ACAD10: variants seen among roughly 807,000 people sequenced by gnomAD.
ACAD10 encodes the protein acyl-CoA dehydrogenase family member 10, also known as ACAD-10.
Under a neutral mutation model 116.8 loss-of-function variants are expected in ACAD10, and 112 were observed. The observed-to-expected ratio is 0.96, with a 90% CI of 0.82 to 1.12. The LOEUF (loss-of-function observed/expected upper bound fraction) is 1.12, where lower values mean the gene tolerates loss of function less well. Ranked by LOEUF, ACAD10 falls within the 50% of genes most tolerant of loss-of-function variation. The probability of loss-of-function intolerance (pLI) is 0.00; values close to 1 mark genes in which losing one functional copy is unlikely to be tolerated. For synonymous variants in ACAD10, 486 were observed against 510.6 expected (o/e 0.95, Z 0.65); for missense variants, 1,259 against 1,350.2 (o/e 0.93, Z 1.06).
chr12:111,744,939 A>G lies in ACAD10; in HGVS notation c.2011A>G (p.Lys671Glu), dbSNP rs1889849125. Residue 671 changes from lysine to glutamate, a missense_variant, in exon 13 of 21, where the codon AAG becomes GAG. By Grantham distance (56) the Lys-to-Glu change is moderately conservative. Coordinates refer to ENST00000313698, the MANE Select transcript of ACAD10 (RefSeq NM_025247.6). ...PPVRELYHRL[K>E]HFMEQRVYPA... ...TGTCAGAGAGCTGTATCACCGGCTG[A>G]AGCACTTCATGGAGCAACGTGTGTA... 6.2e-7 allele frequency: 1 copy of G among 1,614,136 alleles called. No homozygotes were observed. Among genetic ancestry groups the G allele is most frequent in the Non-Finnish European group, 8.5e-7 (1 of 1,180,016 alleles).
chr12:111,689,052 G>A (rs971375719), intron 1 of ACAD10, among the ~76,000 whole-genome samples: 2 of 151,802 alleles, frequency 1.3e-5, no homozygotes, highest in East Asian at 2.0e-4. Context: ...TTAGCCAGGC[G>A]TGGTGGCACG....
At position 111,744,928 on chromosome 12, in the gene ACAD10, A is replaced by G. The variant is rs1394088825; in HGVS notation, c.2000A>G (p.Tyr667Cys). Residue 667 changes from tyrosine (Y) to cysteine (C), a missense_variant, in exon 13 of 21, where the codon TAT (tyrosine) becomes TGT (cysteine). Physicochemically the swap from Tyr to Cys is radical, Grantham distance 194. Transcript: ENST00000313698. ...CTCTCTCCACCTGTCAGAGAGCTGT[A>G]TCACCGGCTGAAGCACTTCATGGAG... ...ESLSPPVREL[Y>C]HRLKHFMEQR... is the part of the protein sequence containing the mutation. 1.9e-6 allele frequency: 3 copies of G among 1,614,038 alleles called. No homozygotes were observed. The highest frequency in any genetic ancestry group is 1.7e-6 in the Non-Finnish European group (2 of 1,180,030).
intron 12 of ACAD10, among the ~76,000 whole-genome samples, chr12:111,737,773 T>C (rs984341281): frequency 7.9e-5 from 12 of 152,144 alleles, no homozygotes; most frequent in African/African-American, 2.7e-4. Context: ...TTTTGTAAGC[T>C]TAAGAATTTC....
At chr12:111,697,868 G>A (rs1948963877) in intron 2 of ACAD10, among the ~76,000 whole-genome samples, 1 of 151,400 alleles carries the variant, frequency 6.6e-6, no homozygotes, top group African/African-American at 2.4e-5. Context: ...ATAGGTGTAA[G>A]CCACTGGGCC....
chr12:111,704,688 C>CTTTTTTTTTT (rs59745029), intron 3 of ACAD10, among the ~76,000 whole-genome samples: 10 of 126,150 alleles, frequency 7.9e-5, no homozygotes, highest in East Asian at 2.4e-4. Context: ...TTCTTTCTTT[C>CTTTTTTTTTT]TTTTTTTTTT....
intron 12 of ACAD10, among the ~76,000 whole-genome samples, chr12:111,742,384 A>C (rs921502546): frequency 1.3e-5 from 2 of 152,200 alleles, no homozygotes; most frequent in Non-Finnish European, 2.9e-5. Context: ...GGAAGAGGCT[A>C]TCTGGTTTCT....
At chr12:111,713,590 A>G (rs1593027596) in intron 6 of ACAD10, among the ~76,000 whole-genome samples, 1 of 149,776 alleles carries the variant, frequency 6.7e-6, no homozygotes, top group African/African-American at 2.5e-5. Flanking sequence ...GTGCCACTGC[A>G]CTCCAGCCTG....
chr12:111,708,397 C>A (rs2135955176), intron 4 of ACAD10, among the ~76,000 whole-genome samples: 1 of 152,248 alleles, frequency 6.6e-6, no homozygotes, highest in South Asian at 2.1e-4. Context: ...TGGTACGTTA[C>A]ATCGACTGGT....
At chr12:111,699,522 G>C (rs567306606) in intron 2 of ACAD10, among the ~76,000 whole-genome samples, 1 of 152,064 alleles carries the variant, frequency 6.6e-6, no homozygotes, top group African/African-American at 2.4e-5. Flanking sequence ...GCTGTAGACT[G>C]TTCCATAGCT....
intron 8 of ACAD10, among the ~76,000 whole-genome samples, chr12:111,724,632 G>A (rs897117973): frequency 3.9e-5 from 6 of 152,156 alleles, no homozygotes; most frequent in East Asian, 3.9e-4. Flanking sequence ...GCGAAACCCC[G>A]TCTCCACCAA....
At chr12:111,713,656 G>A (rs983646961) in intron 6 of ACAD10, among the ~76,000 whole-genome samples, 1 of 151,752 alleles carries the variant, frequency 6.6e-6, no homozygotes, top group Non-Finnish European at 1.5e-5. Context: ...AAAAAAAAGG[G>A]CTGGGCGCAG....
chr12:111,749,739 CG>C (rs1890017054), intron 18 of ACAD10: 1 of 155,600 alleles, frequency 6.4e-6, no homozygotes, highest in African/African-American at 2.6e-5. Flanking sequence ...CCAGCCTAGG[CG>C]AAAAAGAGAG....
intron 7 of ACAD10, among the ~76,000 whole-genome samples, chr12:111,717,391 A>G (rs1011564901): frequency 2.0e-5 from 3 of 152,046 alleles, no homozygotes; most frequent in African/African-American, 7.2e-5. Context: ...CCAGGGTCAT[A>G]AAACTAGTAA....
At chr12:111,712,688 T>G (rs761762873) in intron 6 of ACAD10, 31 bp downstream of exon 6, 1 of 1,609,034 alleles carries the variant, frequency 6.2e-7, no homozygotes, top group Admixed American at 1.7e-5. Context: ...TTTTGGTAGC[T>G]CTCTCCAAGG....
chr12:111,755,005 CT>C (rs1890170428), intron 19 of ACAD10, among the ~76,000 whole-genome samples: 2 of 152,244 alleles, frequency 1.3e-5, no homozygotes, highest in African/African-American at 4.8e-5. Context: ...TCAGCGAGAC[CT>C]TGGGGCCTCT....
chr12:111,755,199 T>G (rs1593060203), intron 19 of ACAD10, among the ~76,000 whole-genome samples: 1 of 151,924 alleles, frequency 6.6e-6, no homozygotes, highest in South Asian at 2.1e-4. Flanking sequence ...GCCTCCCGGG[T>G]TCAAGCAGCT....
Position 111,744,912 on chromosome 12 carries a change from C to T in ACAD10, c.1984C>T (p.Pro662Ser), listed in dbSNP as rs1203496669. 2 of 1,614,156 alleles carry T rather than the reference C, an allele frequency of 1.2e-6. No individual in the cohort carries two copies. Among genetic ancestry groups the T allele is most frequent in the South Asian group, 2.2e-5 (2 of 91,076 alleles). Residue 662 changes from proline (P) to serine (S), a missense_variant, in exon 13 of 21, where the codon CCT becomes TCT. Coordinates refer to ENST00000313698, the MANE Select transcript of ACAD10 (RefSeq NM_025247.6). Reference sequence around the variant, plus strand: ...TATCTCTCCAGAGAGCCTCTCTCCACCTGTCAGAGAGCTGTATCACCGGCT... The same window carrying T: ...TATCTCTCCAGAGAGCCTCTCTCCATCTGTCAGAGAGCTGTATCACCGGCT... ...LVISPESLSP[P>S]VRELYHRLKH...
In ACAD10 at chr12:111,746,230, T is replaced by C; in HGVS notation, c.2202T>C (p.Asn734=). 1 of 1,613,926 alleles carries C rather than the reference T, an allele frequency of 6.2e-7. No homozygotes were observed. Among genetic ancestry groups the C allele is most frequent in the Non-Finnish European group, 8.5e-7 (1 of 1,179,968 alleles). ...AAAAATACGGAGCAGGACTGACCAA[T>C]GTGGAATATGCACATCTGTGTGAGC... The part of the protein sequence containing the change: ...PEKKYGAGLT[N]VEYAHLCELM... Residue 734 remains asparagine (N), a synonymous_variant, in exon 14 of 21, where the codon AAT becomes AAC. Transcript: ENST00000313698.
chr12:111,706,695 C>A (rs946966228), intron 4 of ACAD10, among the ~76,000 whole-genome samples: 8 of 151,230 alleles, frequency 5.3e-5, no homozygotes, highest in African/African-American at 1.7e-4. Context: ...AAGTGATCCA[C>A]CCACCTCAGC....
Sources: allele counts gnomAD v4.1 joint callset (sites outside exome capture counted in the v4.1 genomes callset), GRCh38; gene constraint gnomAD v4.1.1; transcripts MANE v1.5; gene names NCBI Gene and HGNC (gene_info 2026-07-23, HGNC 2026-07-21).